Variants in CRYGS observed in about 807,000 individuals in gnomAD.
CRYGS encodes crystallin gamma S.
In CRYGS, 13 loss-of-function variants were observed where a neutral mutation model predicts 21.3. The observed-to-expected ratio is 0.61, with a 90% CI of 0.40 to 0.97. CRYGS has a LOEUF of 0.97. CRYGS is among the 50% of genes least tolerant of loss of function. The pLI, the probability that CRYGS is intolerant of heterozygous loss-of-function variation, is 0.00. For missense variants in CRYGS, 205 were observed against 229.7 expected, an observed-to-expected ratio of 0.89 and a Z score of 0.69; for synonymous variants, 67 against 75.0, an observed-to-expected ratio of 0.89 and a Z score of 0.55.
At chr3:186,541,626 C>T (rs1217741785) in intron 1 of CRYGS, among the ~76,000 whole-genome samples, 4 of 152,172 alleles carry the variant, frequency 2.6e-5, no homozygotes, top group African/African-American at 7.2e-5. Flanking sequence ...TGATAAAGTA[C>T]TTAGTTGAAT....
intron 2 of CRYGS, 42 bp downstream of exon 2, chr3:186,539,313 A>C (rs1714000443): frequency 6.2e-7 from 1 of 1,611,592 alleles, no homozygotes. Flanking sequence ...AAGCGGACAG[A>C]GGGCGTGGGA....
chr3:186,541,574 T>C (rs2108744367), intron 1 of CRYGS, among the ~76,000 whole-genome samples: 1 of 152,354 alleles, frequency 6.6e-6, no homozygotes, highest in Middle Eastern at 3.4e-3. Context: ...AGGATGATAG[T>C]GTCTCTTGCA....
At chr3:186,544,102 C>A (rs1213182356) in intron 1 of CRYGS, among the ~76,000 whole-genome samples, 1 of 152,096 alleles carries the variant, frequency 6.6e-6, no homozygotes, top group Non-Finnish European at 1.5e-5. Flanking sequence ...TAGCACCATA[C>A]ATAAAGATAA....
intron 2 of CRYGS, 89 bp downstream of exon 2, chr3:186,539,266 A>G (rs1249178358): frequency 6.4e-7 from 1 of 1,568,428 alleles, no homozygotes; most frequent in East Asian, 2.2e-5. Flanking sequence ...TAAGAGGTAG[A>G]GAAGACTCAA....
At chr3:186,542,417 G>C (rs1714090566) in intron 1 of CRYGS, among the ~76,000 whole-genome samples, 1 of 152,188 alleles carries the variant, frequency 6.6e-6, no homozygotes, top group African/African-American at 2.4e-5. Context: ...AAAATATTTT[G>C]TAGAGAAGGC....
chr3:186,543,585 T>C (rs947938142), intron 1 of CRYGS, among the ~76,000 whole-genome samples: 8 of 152,174 alleles, frequency 5.3e-5, no homozygotes, highest in Non-Finnish European at 1.0e-4. Flanking sequence ...GATATACAAA[T>C]ATTCATTCAA....
chr3:186,539,461 G>A lies in CRYGS; in HGVS notation c.158C>T (p.Pro53Leu). The change falls in exon 2 of 3, where the codon CCC becomes CTC. Residue 53 changes from proline to leucine, a missense_variant. By Grantham distance (98) the Pro-to-Leu change is moderately conservative. Coordinates refer to ENST00000307944, the MANE Select transcript of CRYGS (RefSeq NM_017541.4). ...GATGTACATGTACCCAGCAAAGTTG[G>A]GCCTTTCATAAACAGCCCAGGTGCC... ...EGGTWAVYER[P>L]NFAGYMYILP... 1 of 1,613,016 alleles carries A rather than the reference G, an allele frequency of 6.2e-7. No homozygotes were observed. Among genetic ancestry groups the A allele is most frequent in the Non-Finnish European group, 8.5e-7 (1 of 1,180,012 alleles).
At chr3:186,543,989 A>G (rs1714126329) in intron 1 of CRYGS, among the ~76,000 whole-genome samples, 2 of 152,248 alleles carry the variant, frequency 1.3e-5, no homozygotes, top group Non-Finnish European at 1.5e-5. Context: ...AATCCCCATT[A>G]GCATGCCTTA....
chr3:186,541,509 A>G (rs185368155), intron 1 of CRYGS, among the ~76,000 whole-genome samples: 5 of 152,342 alleles, frequency 3.3e-5, no homozygotes, highest in Admixed American at 3.3e-4. Flanking sequence ...CTTTCTTGCT[A>G]CGTGACCTTG....
In CRYGS at chr3:186,538,557, T is replaced by C. The variant is rs1185351765; in HGVS notation, c.*139A>G. The C allele has an allele frequency of 3.7e-6, 4 of 1,079,286 alleles. No homozygotes were observed. The highest frequency in any genetic ancestry group is 1.4e-5 in the South Asian group (1 of 69,876). The allele number at this position is 1,079,286 out of a possible 1,614,324, so 66.9% of individuals were successfully genotyped here. On this transcript the variant is annotated 3_prime_UTR_variant, in exon 3 of 3. Coordinates refer to ENST00000307944, the MANE Select transcript of CRYGS (RefSeq NM_017541.4). ...CCCACTGTGGCGAGCACTGTATTGC[T>C]GGTCCCTAGAAGCATTTAAGGAGAG...
Position 186,539,394 on chromosome 3 carries a change from GC to G in CRYGS, c.224del (p.Gly75AlafsTer126). The G allele has an allele frequency of 4.3e-6, 7 of 1,612,186 alleles. No homozygotes were observed. The highest frequency in any genetic ancestry group is 5.9e-6 in the Non-Finnish European group (7 of 1,180,002). On this transcript the variant is annotated frameshift_variant, in exon 2 of 3. Coordinates refer to ENST00000307944, the MANE Select transcript of CRYGS (RefSeq NM_017541.4). LOFTEE classifies it high-confidence loss of function. ...TGCAGGAGCTGAGGCGGTCGTTGAG[GC>G]CCATCCAACGCTGGTATTCAGGGTA... ...GEYPEYQRWM[G>X]LNDRLSSCRA...
chr3:186,538,508 C>CAG lies in CRYGS; in HGVS notation c.*186_*187dup. On this transcript the variant is annotated 3_prime_UTR_variant, in exon 3 of 3. Coordinates refer to ENST00000307944, the MANE Select transcript of CRYGS (RefSeq NM_017541.4). ...ACAAAGATCTAGATTGGTGATCTGG[C>CAG]AGATGGGTAGCTTTGTGTGACTGCC... 1.5e-6 allele frequency: 1 copy of CAG among 662,082 alleles called. No homozygotes were observed. The highest frequency in any genetic ancestry group is 1.9e-5 in the South Asian group (1 of 53,576). The allele number at this position is 662,082 out of a possible 1,614,324, so 41.0% of individuals were successfully genotyped here.
chr3:186,544,288 A>C lies in CRYGS; in HGVS notation c.21+18T>G. On this transcript the variant is annotated intron_variant, in intron 1 of 2. Coordinates refer to ENST00000307944, the MANE Select transcript of CRYGS (RefSeq NM_017541.4). ...TAGGTGAAAAGCGGGTAGGCTAAAA[A>C]TCAATATGACTACTTACCTTGGTTC... 2 of 1,590,154 alleles carry C rather than the reference A, an allele frequency of 1.3e-6. No homozygotes were observed. The highest frequency in any genetic ancestry group is 1.7e-6 in the Non-Finnish European group (2 of 1,158,264).
intron 1 of CRYGS, among the ~76,000 whole-genome samples, chr3:186,543,857 A>G (rs1436128266): frequency 6.6e-6 from 1 of 152,136 alleles, no homozygotes; most frequent in Non-Finnish European, 1.5e-5. Context: ...AATGGAAGAG[A>G]GATGTAGGAC....
At chr3:186,543,854 G>A (rs1174048123) in intron 1 of CRYGS, among the ~76,000 whole-genome samples, 1 of 152,160 alleles carries the variant, frequency 6.6e-6, no homozygotes, top group Non-Finnish European at 1.5e-5. Flanking sequence ...TTGAATGGAA[G>A]AGAGATGTAG....
At chr3:186,541,822 A>G (rs1019718038) in intron 1 of CRYGS, among the ~76,000 whole-genome samples, 1 of 152,198 alleles carries the variant, frequency 6.6e-6, no homozygotes, top group Non-Finnish European at 1.5e-5. Flanking sequence ...CTGCCTGCCC[A>G]GTTAGCTTCG....
intron 1 of CRYGS, chr3:186,540,733 A>AT (rs1282775794): frequency 1.0e-6 from 1 of 978,748 alleles, no homozygotes; most frequent in Admixed American, 6.1e-5. Context: ...GGCGAAAACT[A>AT]TGTGAGTCAT....
chr3:186,538,667 C>G lies in CRYGS; in HGVS notation c.*29G>C. ...CACAAGGCCAGCCAGCATTTGGGCC[C>G]CAGGAAGAATATGGCCCCATTCATG... On this transcript the variant is annotated 3_prime_UTR_variant, in exon 3 of 3. Transcript: ENST00000307944. 6.2e-7 allele frequency: 1 copy of G among 1,613,924 alleles called. No individual in the cohort carries two copies. The highest frequency in any genetic ancestry group is 1.7e-5 in the Admixed American group (1 of 60,014).
chr3:186,539,234 C>T, intron 2 of CRYGS, 121 bp downstream of exon 2: 2 of 1,388,776 alleles, frequency 1.4e-6, no homozygotes, highest in Non-Finnish European at 2.0e-6. Context: ...CAAGCCTCAG[C>T]AGCCAACAAG....
Sources: gnomAD v4.1 joint callset for allele counts (sites outside exome capture counted in the v4.1 genomes callset) on GRCh38, gnomAD v4.1.1 for gene constraint, MANE v1.5 for transcripts, NCBI Gene and HGNC (gene_info 2026-07-23, HGNC 2026-07-21) for gene names.